NTM: variants seen among roughly 807,000 people sequenced by gnomAD.
NTM encodes IgLON family member 2.
NTM carries 13 observed loss-of-function variants against 42.1 expected under a neutral mutation model. That is an observed-to-expected ratio of 0.31 (90% CI 0.20 to 0.49). NTM has a LOEUF of 0.49. Among genes scored for constraint, NTM ranks in the 20% least tolerant of loss-of-function variants. NTM has a pLI of 0.99. For synonymous variants in NTM, 187 were observed against 179.2 expected, an observed-to-expected ratio of 1.04 and a Z score of -0.35; for missense variants, 373 against 452.8, an observed-to-expected ratio of 0.82 and a Z score of 1.60.
At chr11:132,033,140 T>G (rs2076126795) in intron 2 of NTM, among the ~76,000 whole-genome samples, 1 of 152,200 alleles carries the variant, frequency 6.6e-6, no homozygotes, top group South Asian at 2.1e-4. Flanking sequence ...ACACAGATAA[T>G]GAGAGCACGC....
chr11:132,120,746 G>A (rs565063370), intron 2 of NTM, among the ~76,000 whole-genome samples: 112 of 152,230 alleles, frequency 7.4e-4, no homozygotes, highest in Non-Finnish European at 1.6e-4. Flanking sequence ...TATGCCAATA[G>A]CAAGAAAAGA....
intron 1 of NTM, among the ~76,000 whole-genome samples, chr11:131,498,376 T>C (rs1591835090): frequency 6.6e-6 from 1 of 152,184 alleles, no homozygotes; most frequent in Non-Finnish European, 1.5e-5. Context: ...GTAGCTAACA[T>C]TTATTGAATG....
chr11:132,020,413 T>C (rs1289526829), intron 2 of NTM, among the ~76,000 whole-genome samples: 1 of 151,418 alleles, frequency 6.6e-6, no homozygotes, highest in East Asian at 1.9e-4. Flanking sequence ...AGTTCCTCTA[T>C]TTCTTTTACA....
chr11:131,751,406 C>A (rs189446284), intron 1 of NTM, among the ~76,000 whole-genome samples: 22 of 151,882 alleles, frequency 1.4e-4, no homozygotes, highest in African/African-American at 4.8e-4. Context: ...CTGGCTAACA[C>A]GGTGAAACCC....
chr11:132,165,003 T>C (rs190991315), intron 3 of NTM, among the ~76,000 whole-genome samples: 177 of 152,268 alleles, frequency 1.2e-3, no homozygotes, highest in Non-Finnish European at 1.9e-3. Flanking sequence ...CCCTCCCCTG[T>C]TGGCCTACAC....
intron 2 of NTM, among the ~76,000 whole-genome samples, chr11:132,088,823 CT>C (rs1326699688): frequency 6.6e-6 from 1 of 152,184 alleles, no homozygotes; most frequent in African/African-American, 2.4e-5. Flanking sequence ...AGGCATTTGG[CT>C]GTCTCCTGCC....
chr11:132,330,121 C>G (rs182635948), intron 7 of NTM, 32 bp from the exon 8 acceptor site: 1 of 1,551,554 alleles, frequency 6.4e-7, no homozygotes. Context: ...TGCTTTCGAC[C>G]TTAACAGTGG....
chr11:131,889,497 T>C (rs2050928075), intron 1 of NTM, among the ~76,000 whole-genome samples: 1 of 152,200 alleles, frequency 6.6e-6, no homozygotes. Context: ...CTTTGTCATA[T>C]TGCATGTGAC....
chr11:132,159,061 GA>G (rs2073789959), intron 3 of NTM, among the ~76,000 whole-genome samples: 1 of 152,218 alleles, frequency 6.6e-6, no homozygotes. Flanking sequence ...TTGTATTTCA[GA>G]AAGATCTCTG....
chr11:131,737,666 G>A (rs368933905), intron 1 of NTM, among the ~76,000 whole-genome samples: 31 of 151,902 alleles, frequency 2.0e-4, no homozygotes, highest in African/African-American at 6.3e-4. Context: ...TCTCTCTTTC[G>A]CCTTCTTTAT....
intron 3 of NTM, among the ~76,000 whole-genome samples, chr11:132,189,113 G>A (rs1489688068): frequency 1.3e-5 from 2 of 152,146 alleles, no homozygotes; most frequent in Non-Finnish European, 2.9e-5. Context: ...AAGGGGGGCA[G>A]GTGGTGGATG....
At chr11:132,228,209 G>A (rs550713309) in intron 4 of NTM, among the ~76,000 whole-genome samples, 1 of 152,146 alleles carries the variant, frequency 6.6e-6, no homozygotes, top group African/African-American at 2.4e-5. Context: ...GGGGAGTAGG[G>A]CTCTGGGGAA....
At chr11:131,537,065 G>A (rs1195916401) in intron 1 of NTM, 1 of 151,846 alleles carries the variant, frequency 6.6e-6, no homozygotes, top group African/African-American at 2.4e-5. Context: ...AGCTCAGTAT[G>A]AATACCTCCG....
intron 8 of NTM, 49 bp downstream of exon 8, chr11:132,330,234 T>TA (rs3837377): frequency 0.37 from 565,367 of 1,544,782 alleles, 112,118 homozygotes; most frequent in Non-Finnish European, 0.41. Context: ...GTGGGGTATG[T>TA]AAAACTCTTC....
At chr11:132,116,053 T>C (rs1292738588) in intron 2 of NTM, among the ~76,000 whole-genome samples, 1 of 152,232 alleles carries the variant, frequency 6.6e-6, no homozygotes, top group Non-Finnish European at 1.5e-5. Flanking sequence ...GCATTTCTCC[T>C]TTCTCCCAGT....
intron 1 of NTM, chr11:131,534,171 G>A (rs999641315): frequency 6.6e-6 from 1 of 152,206 alleles, no homozygotes; most frequent in Admixed American, 6.5e-5. Context: ...TTTGTTGGAT[G>A]TTTCCCTGAA....
At chr11:131,644,972 C>T (rs1301970538) in intron 1 of NTM, among the ~76,000 whole-genome samples, 2 of 152,138 alleles carry the variant, frequency 1.3e-5, no homozygotes, top group African/African-American at 4.8e-5. Flanking sequence ...GGCAGGCTCA[C>T]AGCATTGCCA....
intron 1 of NTM, among the ~76,000 whole-genome samples, chr11:131,406,440 C>T (rs1484377567): frequency 6.6e-6 from 1 of 152,072 alleles, no homozygotes; most frequent in African/African-American, 2.4e-5. Flanking sequence ...AAATATCTTG[C>T]CACACAGTCA....
intron 1 of NTM, among the ~76,000 whole-genome samples, chr11:131,629,947 C>T (rs962376456): frequency 3.3e-5 from 5 of 152,186 alleles, no homozygotes; most frequent in Non-Finnish European, 5.9e-5. Context: ...AGGATCTGTG[C>T]TCCTCTGCAC....
Sources: allele counts gnomAD v4.1 joint callset (sites outside exome capture counted in the v4.1 genomes callset), GRCh38; gene constraint gnomAD v4.1.1; transcripts MANE v1.5; gene names NCBI Gene and HGNC (gene_info 2026-07-23, HGNC 2026-07-21).